PTPRN2: variants seen among roughly 807,000 people sequenced by gnomAD.
The protein encoded by PTPRN2 is protein tyrosine phosphatase receptor type N2, also known as receptor-type tyrosine-protein phosphatase N2.
Under a neutral mutation model 118.8 loss-of-function variants are expected in PTPRN2, and 74 were observed. The ratio of observed to expected loss-of-function variants is 0.62; its 90% CI spans 0.52 to 0.76. The LOEUF is 0.76. Among genes scored for constraint, PTPRN2 ranks in the 30% least tolerant of loss-of-function variants. The pLI, the probability that PTPRN2 is intolerant of heterozygous loss-of-function variation, is 0.00. For synonymous variants in PTPRN2, 641 were observed against 608.0 expected (o/e 1.05, Z -0.80); for missense variants, 1,481 against 1,394.4 (o/e 1.06, Z -0.99).
intron 1 of PTPRN2, among the ~76,000 whole-genome samples, chr7:158,547,875 C>T (rs538368168): frequency 6.6e-6 from 1 of 152,348 alleles, no homozygotes; most frequent in South Asian, 2.1e-4. Flanking sequence ...GCCCGAGTAT[C>T]AGTTTGCAGC....
chr7:158,246,538 T>A (rs949733981), intron 3 of PTPRN2, among the ~76,000 whole-genome samples: 1 of 151,182 alleles, frequency 6.6e-6, no homozygotes, highest in African/African-American at 2.4e-5. Flanking sequence ...CAAGTCACCG[T>A]GGGTGGTCAT....
At chr7:158,155,252 A>G (rs1821596856) in intron 6 of PTPRN2, among the ~76,000 whole-genome samples, 2 of 152,184 alleles carry the variant, frequency 1.3e-5, no homozygotes, top group African/African-American at 4.8e-5. Flanking sequence ...GGCCTTCCAA[A>G]CAAAATGGTA....
intron 22 of PTPRN2, among the ~76,000 whole-genome samples, chr7:157,542,331 G>A (rs751947409): frequency 5.9e-5 from 9 of 152,202 alleles, no homozygotes; most frequent in Non-Finnish European, 1.2e-4. Context: ...GCTTGGAGAT[G>A]CCAAAAATTA....
intron 5 of PTPRN2, among the ~76,000 whole-genome samples, chr7:158,181,464 G>T (rs10244179): frequency 0.14 from 20,734 of 152,060 alleles, 1,797 homozygotes; most frequent in East Asian, 0.35. Flanking sequence ...GAATTAGTTA[G>T]GGAGGATTCT....
At chr7:158,170,966 CATATATATACATACATAT>C (rs1434136162) in intron 5 of PTPRN2, among the ~76,000 whole-genome samples, 121 of 150,048 alleles carry the variant, frequency 8.1e-4, no homozygotes, top group African/African-American at 2.8e-3. Context: ...CCTTATCCTT[CATATATATACATACATAT>C]ATATATACAC....
chr7:158,132,496 C>A (rs1160380342), intron 9 of PTPRN2, among the ~76,000 whole-genome samples: 1 of 151,700 alleles, frequency 6.6e-6, no homozygotes, highest in African/African-American at 2.4e-5. Flanking sequence ...CACGCACATG[C>A]ACATACAGAT....
At chr7:158,146,008 A>C (rs553459020) in intron 6 of PTPRN2, among the ~76,000 whole-genome samples, 1 of 152,188 alleles carries the variant, frequency 6.6e-6, no homozygotes, top group Non-Finnish European at 1.5e-5. Context: ...ATAAATTATA[A>C]CTATTATCAT....
chr7:158,178,806 C>T (rs1824446406), intron 5 of PTPRN2, among the ~76,000 whole-genome samples: 1 of 151,872 alleles, frequency 6.6e-6, no homozygotes, highest in South Asian at 2.1e-4. Context: ...ATCATGTTGG[C>T]CAGGATGGTC....
chr7:157,725,862 C>T (rs111449662), intron 12 of PTPRN2, among the ~76,000 whole-genome samples: 906 of 77,766 alleles, frequency 0.012, 1 homozygote, highest in South Asian at 0.02. Context: ...ACTGGATATC[C>T]ACACGCAGAG....
At chr7:157,747,191 G>C in intron 12 of PTPRN2, among the ~76,000 whole-genome samples, 1 of 135,324 alleles carries the variant, frequency 7.4e-6, no homozygotes, top group Non-Finnish European at 1.6e-5. Context: ...GGGTGTGCGG[G>C]TGATTCTGAG....
intron 6 of PTPRN2, among the ~76,000 whole-genome samples, chr7:158,164,286 C>T (rs1442366188): frequency 1.3e-5 from 2 of 150,864 alleles, no homozygotes; most frequent in Non-Finnish European, 2.9e-5. Flanking sequence ...AGAGCGCGTG[C>T]GTAGGAAGGG....
At chr7:158,204,319 C>T (rs1005975197) in intron 4 of PTPRN2, among the ~76,000 whole-genome samples, 1 of 152,256 alleles carries the variant, frequency 6.6e-6, no homozygotes, top group Non-Finnish European at 1.5e-5. Context: ...TCAGTGTGTG[C>T]GGCGTGCTGG....
chr7:158,239,552 G>C (rs1795781403), intron 3 of PTPRN2, among the ~76,000 whole-genome samples: 1 of 152,194 alleles, frequency 6.6e-6, no homozygotes, highest in Non-Finnish European at 1.5e-5. Flanking sequence ...GACCAATGGG[G>C]ACGTGGCTTT....
At chr7:158,154,803 G>A (rs1484131841) in intron 6 of PTPRN2, among the ~76,000 whole-genome samples, 1 of 152,140 alleles carries the variant, frequency 6.6e-6, no homozygotes, top group African/African-American at 2.4e-5. Flanking sequence ...GCAGCTTATG[G>A]GAGAACAGTT....
chr7:158,164,537 TA>T (rs1563543357), intron 6 of PTPRN2, among the ~76,000 whole-genome samples: 8 of 2,780 alleles, frequency 2.9e-3, no homozygotes, highest in Admixed American at 8.7e-3. Context: ...AGCGCGCACG[TA>T]GGGAAGGCGC....
Position 157,861,248 on chromosome 7 carries a change from T to C in PTPRN2, c.1788+37425A>G, listed in dbSNP as rs1810213242. 1.3e-5 allele frequency among the ~76,000 whole-genome samples: 2 copies of C among 152,208 alleles called. No homozygotes were observed. Among genetic ancestry groups the C allele is most frequent in the African/African-American group, 4.8e-5 (2 of 41,454 alleles). ...TGAATTCCTGTACCTTTTACATACG[T>C]GAAGTCTATACAATAATGGAACCGA... On this transcript the variant is annotated intron_variant, in intron 12 of 22. Coordinates refer to ENST00000389418, the MANE Select transcript of PTPRN2 (RefSeq NM_002847.5). This position sits in a 1 kb window ranked among gnomAD's most constrained non-coding sequence, Gnocchi z 5.8.
chr7:157,756,306 T>A (rs1156546565), intron 12 of PTPRN2, among the ~76,000 whole-genome samples: 2 of 123,554 alleles, frequency 1.6e-5, no homozygotes, highest in African/African-American at 7.2e-5. Flanking sequence ...TTTAATTAAT[T>A]TTTTTTTTTT....
At position 157,845,932 on chromosome 7, in the gene PTPRN2, T is replaced by C. The variant is rs1211594812; in HGVS notation, c.1788+52741A>G. ...CCTGTAAATGTTTTGAAGAAAACAT[T>C]TGAGCCTCTCTGAACTCAGGGCAGA... On this transcript the variant is annotated intron_variant, in intron 12 of 22. Transcript: ENST00000389418. The surrounding 1 kb of genome is among the most constrained non-coding windows in gnomAD (Gnocchi z 4.5). Among the ~76,000 whole-genome samples, 1 of 152,226 alleles carries C rather than the reference T, an allele frequency of 6.6e-6. No homozygotes were observed.
intron 11 of PTPRN2, among the ~76,000 whole-genome samples, chr7:158,021,829 C>T (rs992763253): frequency 2.6e-5 from 4 of 152,228 alleles, no homozygotes; most frequent in Admixed American, 6.5e-5. Flanking sequence ...ACTACATCGG[C>T]CAACCCTAGT....
Sources: allele counts gnomAD v4.1 joint callset (sites outside exome capture counted in the v4.1 genomes callset), GRCh38; gene constraint gnomAD v4.1.1; non-coding constraint Gnocchi (gnomAD v3.1); transcripts MANE v1.5; gene names NCBI Gene and HGNC (gene_info 2026-07-23, HGNC 2026-07-21).